The following KLF12 variants were observed in gnomAD, a reference collection of about 807,000 sequenced individuals.
The protein encoded by KLF12 is KLF transcription factor 12.
KLF12 carries 9 observed loss-of-function variants against 37.8 expected under a neutral mutation model. The observed-to-expected ratio is 0.24, with a 90% confidence interval of 0.14 to 0.42. The LOEUF (loss-of-function observed/expected upper bound fraction) is 0.42, where lower values mean the gene tolerates loss of function less well. Ranked by LOEUF, KLF12 falls within the 10% of genes least tolerant of loss-of-function variation. KLF12 has a pLI of 1.00. For missense variants in KLF12, 411 were observed against 516.0 expected, an observed-to-expected ratio of 0.80 and a Z score of 1.97; for synonymous variants, 208 against 202.1, an observed-to-expected ratio of 1.03 and a Z score of -0.25.
chr13:73,704,601 T>C (rs1874796889), intron 7 of KLF12, among the ~76,000 whole-genome samples: 2 of 152,238 alleles, frequency 1.3e-5, no homozygotes, highest in African/African-American at 4.8e-5. Context: ...ATGATTCTGT[T>C]TCTCCGTCTT....
chr13:73,759,650 T>C (rs1167875800), intron 6 of KLF12, among the ~76,000 whole-genome samples: 2 of 152,174 alleles, frequency 1.3e-5, no homozygotes, highest in East Asian at 3.9e-4. Context: ...TGGATACGCA[T>C]GCAGAGGCCT....
intron 6 of KLF12, among the ~76,000 whole-genome samples, chr13:73,754,267 T>C (rs9600160): frequency 0.081 from 12,401 of 152,222 alleles, 587 homozygotes; most frequent in South Asian, 0.14. Context: ...ATGTTAGGGC[T>C]ACATCTAATC....
At chr13:74,278,297 T>A in the KLF12 span, among the ~76,000 whole-genome samples, 11 of 152,348 alleles carry the variant, frequency 7.2e-5, no homozygotes, top group Admixed American at 3.3e-4. Flanking sequence ...CAGGTAGTTT[T>A]CTGGATCAGG....
intron 2 of KLF12, among the ~76,000 whole-genome samples, chr13:73,973,546 A>C (rs1891406218): frequency 6.6e-6 from 1 of 152,204 alleles, no homozygotes. Flanking sequence ...AAAACGGAAG[A>C]TATAATAACC....
chr13:74,205,051 T>G, the KLF12 span, among the ~76,000 whole-genome samples: 1 of 152,000 alleles, frequency 6.6e-6, no homozygotes, highest in African/African-American at 2.4e-5. Context: ...AGTGAACTTC[T>G]GTGAACACTG....
chr13:74,072,407 A>ATATATATATATATAT (rs1874323262), intron 1 of KLF12, among the ~76,000 whole-genome samples: 2 of 132,920 alleles, frequency 1.5e-5, no homozygotes, highest in African/African-American at 2.7e-5. Flanking sequence ...ATATATATAT[A>ATATATATATATATAT]AAAGATTATC....
the KLF12 span, among the ~76,000 whole-genome samples, chr13:74,172,246 A>G: frequency 6.6e-6 from 1 of 151,886 alleles, no homozygotes; most frequent in Non-Finnish European, 1.5e-5. Context: ...TCAACAAGGT[A>G]TTTTCTGTAA....
At chr13:73,946,850 G>A (rs908324651) in intron 2 of KLF12, among the ~76,000 whole-genome samples, 2 of 152,164 alleles carry the variant, frequency 1.3e-5, no homozygotes, top group African/African-American at 4.8e-5. Flanking sequence ...AAAGCGTTCA[G>A]TATCACAGCA....
chr13:74,136,644 T>C (rs1366838239), upstream of KLF12, among the ~76,000 whole-genome samples: 1 of 152,156 alleles, frequency 6.6e-6, no homozygotes, highest in Non-Finnish European at 1.5e-5. Flanking sequence ...TGCACTGCCT[T>C]CCTATGGCAT....
chr13:74,143,141 C>T, the KLF12 span, among the ~76,000 whole-genome samples: 30 of 150,734 alleles, frequency 2.0e-4, no homozygotes, highest in East Asian at 1.2e-3. Flanking sequence ...CGTCCTATTC[C>T]GTCTTCTTCT....
intron 1 of KLF12, among the ~76,000 whole-genome samples, chr13:74,044,568 T>G (rs1396977412): frequency 6.6e-6 from 1 of 152,046 alleles, no homozygotes; most frequent in Non-Finnish European, 1.5e-5. Flanking sequence ...AATGGCAAGC[T>G]GGGCATGGTG....
the KLF12 span, among the ~76,000 whole-genome samples, chr13:74,194,508 GAGGA>G: frequency 9.9e-5 from 15 of 152,186 alleles, no homozygotes; most frequent in Admixed American, 9.2e-4. Flanking sequence ...GGGCAGGAGG[GAGGA>G]CAAGCTAGAA....
intron 3 of KLF12, among the ~76,000 whole-genome samples, chr13:73,879,857 CTT>C (rs1288118359): frequency 1.3e-5 from 2 of 152,194 alleles, no homozygotes; most frequent in Non-Finnish European, 1.5e-5. Flanking sequence ...GAGCAAGAGT[CTT>C]TGTGATGAGC....
the KLF12 span, among the ~76,000 whole-genome samples, chr13:74,215,687 A>G: frequency 1.4e-3 from 214 of 152,104 alleles, 1 homozygote; most frequent in African/African-American, 4.8e-3. Context: ...GTCAGTACCT[A>G]TTTGTCATTT....
Position 73,884,559 on chromosome 13 carries a change from A to G in KLF12, c.124-38186T>C, listed in dbSNP as rs1180365964. On this transcript the variant is annotated intron_variant, in intron 3 of 7. Coordinates refer to ENST00000377669, the MANE Select transcript of KLF12 (RefSeq NM_007249.5). ...CAGAATGAGGAGTCTGTCAGGACAG[A>G]GGAGGATGTGCCCATTCAGGGCCTG... Among the ~76,000 whole-genome samples, 4 of 152,330 alleles carry G rather than the reference A, an allele frequency of 2.6e-5. No individual in the cohort carries two copies. The East Asian group carries it at 7.7e-4, about 29-fold the overall frequency.
the KLF12 span, among the ~76,000 whole-genome samples, chr13:74,234,946 C>CTCTA: frequency 0.26 from 39,081 of 151,916 alleles, 7,380 homozygotes; most frequent in African/African-American, 0.54. Flanking sequence ...AGTACTCACT[C>CTCTA]TCTATCTACC....
chr13:74,199,684 G>A, the KLF12 span, among the ~76,000 whole-genome samples: 1 of 152,158 alleles, frequency 6.6e-6, no homozygotes, highest in Non-Finnish European at 1.5e-5. Context: ...TTGTGTAAGA[G>A]TCATAGCCAT....
intron 1 of KLF12, among the ~76,000 whole-genome samples, chr13:74,018,404 T>C (rs533314188): frequency 6.6e-6 from 1 of 152,322 alleles, no homozygotes; most frequent in Non-Finnish European, 1.5e-5. Context: ...ACTTTAATTA[T>C]TGATATACTG....
At chr13:73,921,552 T>TG (rs1216890345) in intron 3 of KLF12, among the ~76,000 whole-genome samples, 3 of 152,154 alleles carry the variant, frequency 2.0e-5, no homozygotes. Context: ...TTCCACAACT[T>TG]AATCTCCCCA....
Sources: gnomAD v4.1 joint callset for allele counts (sites outside exome capture counted in the v4.1 genomes callset) on GRCh38, gnomAD v4.1.1 for gene constraint, MANE v1.5 for transcripts, NCBI Gene and HGNC (gene_info 2026-07-23, HGNC 2026-07-21) for gene names.